STK31: variants seen among roughly 807,000 people sequenced by gnomAD.
STK31 encodes the protein serine/threonine kinase 31.
STK31 carries 89 observed loss-of-function variants against 129.7 expected under a neutral mutation model. That is an observed-to-expected ratio of 0.69 (90% confidence interval 0.58 to 0.82). STK31 has a LOEUF of 0.82. Among genes scored for constraint, STK31 ranks in the 40% least tolerant of loss-of-function variants. The pLI is 0.00. For missense variants in STK31, 1,187 were observed against 1,176.4 expected (o/e 1.01, Z -0.13); for synonymous variants, 448 against 395.3 (o/e 1.13, Z -1.58).
intron 22 of STK31, among the ~76,000 whole-genome samples, chr7:23,801,776 A>G (rs564339267): frequency 6.7e-6 from 1 of 148,956 alleles, no homozygotes; most frequent in Admixed American, 6.9e-5. Flanking sequence ...CAATTTTACA[A>G]CACCATTTTT....
Position 23,800,567 on chromosome 7 carries a change from G to A in STK31, c.2760+9621G>A, listed in dbSNP as rs901780669. On this transcript the variant is annotated intron_variant, in intron 22 of 23. Coordinates refer to ENST00000355870, the MANE Select transcript of STK31 (RefSeq NM_031414.5). ...GAACAATGAGAACATATGGACACAG[G>A]GAGGGGAACATCACACAGTGGGGCC... Among the ~76,000 whole-genome samples the A allele has an allele frequency of 3.4e-4, 51 of 152,064 alleles. 1 individual carries two copies. The highest frequency in any genetic ancestry group is 2.5e-4 in the Non-Finnish European group (17 of 68,024).
chr7:23,808,818 AG>A (rs1196865016), intron 22 of STK31, among the ~76,000 whole-genome samples: 1 of 123,676 alleles, frequency 8.1e-6, no homozygotes, highest in African/African-American at 2.5e-5. Context: ...CGGATGGGAT[AG>A]GGGGCAGTTT....
chr7:23,749,677 A>G lies in STK31; in HGVS notation c.1018-3040A>G, dbSNP rs1033205493. Among the ~76,000 whole-genome samples the G allele has an allele frequency of 3.9e-5, 6 of 152,126 alleles. No homozygotes were observed. The South Asian group carries it at 1.2e-3, about 32-fold the overall frequency. The stretch of plus-strand genomic sequence containing the variant: ...TGTAATTTTTTCTTGATAACTGTAT[A>G]TGATATATCAGGTAAAAAAGCAATT... On this transcript the variant is annotated intron_variant, in intron 8 of 23. Coordinates refer to ENST00000355870, the MANE Select transcript of STK31 (RefSeq NM_031414.5).
At chr7:23,814,971 A>G (rs1258072594) in intron 22 of STK31, among the ~76,000 whole-genome samples, 173 bp from the exon 23 acceptor site, 1 of 152,108 alleles carries the variant, frequency 6.6e-6, no homozygotes, top group Non-Finnish European at 1.5e-5. Flanking sequence ...CCCAGGAACC[A>G]TTTGGTTGCT....
rs766650064 is a variant in STK31, at chr7:23,735,792, A to C, written c.738A>C (p.Arg246Ser). ...GCCCCATTCCTTTGTGGGGGCATAG[A>C]TCAAACCAGTCAACCTTCAGCAGGC... ...LKSPIPLWGHRSNQSTFSRPK... is the reference protein window; with the variant it reads ...LKSPIPLWGHSSNQSTFSRPK... The change falls in exon 7 of 24, where the codon AGA becomes AGC. Residue 246 changes from arginine to serine, a missense_variant. Physicochemically the swap from Arg to Ser is moderately radical, Grantham distance 110. This residue lies in a region of STK31 where 975 missense variants were observed against 934.9 expected (regional missense o/e 1.04). Coordinates refer to ENST00000355870, the MANE Select transcript of STK31 (RefSeq NM_031414.5). The C allele has an allele frequency of 6.2e-7, 1 of 1,614,208 alleles. No homozygotes were observed. The highest frequency in any genetic ancestry group is 1.3e-5 in the African/African-American group (1 of 75,064).
rs570418302 is a variant in STK31, at chr7:23,815,906, A to G, written c.2829+694A>G. 3.3e-5 allele frequency among the ~76,000 whole-genome samples: 5 copies of G among 152,264 alleles called. No individual in the cohort carries two copies. The East Asian group carries it at 7.7e-4, about 23-fold the overall frequency. On this transcript the variant is annotated intron_variant, in intron 23 of 23. Transcript: ENST00000355870. ...ATGACTAGATATAAAGAGGATAAAT[A>G]TGGCAGTAAATGAGTCTATAAGAGT...
In STK31 at chr7:23,710,232, ACGCGGTAAGC is replaced by A. The variant is rs199961424; in HGVS notation, c.-50_-41del. The A allele has an allele frequency of 6.7e-3, 10,780 of 1,611,654 alleles. 72 individuals are homozygous for A. Among genetic ancestry groups the A allele is most frequent in the South Asian group, 0.023 (2,045 of 90,638 alleles). On this transcript the variant is annotated 5_prime_UTR_variant, in exon 1 of 24. Transcript: ENST00000355870. Reference sequence around the variant, plus strand: ...TGTGGGGCCCTTGCGGTCGAAGCTCACGCGGTAAGCCGCTGCACGTGTGCTACGGCGGGCG... The same window carrying A: ...TGTGGGGCCCTTGCGGTCGAAGCTCACGCTGCACGTGTGCTACGGCGGGCG...
chr7:23,811,274 A>G, intron 22 of STK31: 1 of 382,032 alleles, frequency 2.6e-6, no homozygotes, highest in South Asian at 2.5e-5. Flanking sequence ...GTAGTTTTTG[A>G]AATTAGCAAG....
chr7:23,789,036 C>G (rs1423730331), intron 21 of STK31, among the ~76,000 whole-genome samples: 1 of 152,136 alleles, frequency 6.6e-6, no homozygotes, highest in East Asian at 1.9e-4. Context: ...TTGGACATCT[C>G]ATGTAAATGG....
At chr7:23,814,146 C>CTTTTTTTT (rs71552259) in intron 22 of STK31, among the ~76,000 whole-genome samples, 2,817 of 98,706 alleles carry the variant, frequency 0.029, 704 homozygotes, top group African/African-American at 0.091. Context: ...ATCTGGCTCA[C>CTTTTTTTT]TTATTTTTTT....
intron 22 of STK31, among the ~76,000 whole-genome samples, chr7:23,807,740 T>G (rs984614740): frequency 1.3e-5 from 2 of 152,032 alleles, no homozygotes; most frequent in Non-Finnish European, 2.9e-5. Context: ...TTTTTTTTTG[T>G]AATGATGGTT....
intron 1 of STK31, 98 bp downstream of exon 1, chr7:23,710,433 C>T: frequency 6.3e-7 from 1 of 1,591,738 alleles, no homozygotes; most frequent in African/African-American, 1.3e-5. Flanking sequence ...GGACGAGGCC[C>T]ATTTCAGGGT....
At chr7:23,725,412 G>C (rs532589033) in intron 4 of STK31, among the ~76,000 whole-genome samples, 15 of 141,032 alleles carry the variant, frequency 1.1e-4, no homozygotes, top group African/African-American at 3.9e-4. Context: ...GGTATGGTAT[G>C]TGTGCCTGTA....
intron 22 of STK31, among the ~76,000 whole-genome samples, chr7:23,801,485 T>C (rs1023122267): frequency 9.9e-5 from 15 of 152,264 alleles, no homozygotes; most frequent in Admixed American, 5.9e-4. Context: ...TTTTCTGGCC[T>C]GTAGCTTTTC....
At chr7:23,791,037 A>G in intron 22 of STK31, 91 bp downstream of exon 22, 2 of 1,158,044 alleles carry the variant, frequency 1.7e-6, no homozygotes, top group Non-Finnish European at 2.2e-6. Flanking sequence ...TAAAAATAAA[A>G]AGCAGCAGAC....
In STK31 at chr7:23,766,765, T is replaced by G. The variant is rs550237679; in HGVS notation, c.1417-2230T>G. ...ATAATTATTTATTGAGATACTTCTC[T>G]CCCCCATTAATTTTTTCTCTTATTC... On this transcript the variant is annotated intron_variant, in intron 11 of 23. Transcript: ENST00000355870. Among the ~76,000 whole-genome samples the G allele has an allele frequency of 9.8e-5, 15 of 152,300 alleles. No homozygotes were observed. In the East Asian group the frequency reaches 2.9e-3, roughly 29 times the overall value.
chr7:23,736,857 A>C lies in STK31; in HGVS notation c.843-47A>C, dbSNP rs200952475. 107 of 1,413,158 alleles carry C rather than the reference A, an allele frequency of 7.6e-5. No homozygotes were observed. In the East Asian group the frequency reaches 2.6e-3, roughly 34 times the overall value. The allele number at this position is 1,413,158 out of a possible 1,614,324, so 87.5% of individuals were successfully genotyped here. On this transcript the variant is annotated intron_variant, in intron 7 of 23. Coordinates refer to ENST00000355870, the MANE Select transcript of STK31 (RefSeq NM_031414.5). ...ATAACTTAGATTTGTTTTCTGTGTCAGCCTTATACAGTTTGTTTGTCAAAA... is the reference window on the plus strand; with the variant it reads ...ATAACTTAGATTTGTTTTCTGTGTCCGCCTTATACAGTTTGTTTGTCAAAA...
At chr7:23,739,910 T>C (rs1388295605) in intron 8 of STK31, among the ~76,000 whole-genome samples, 2 of 152,212 alleles carry the variant, frequency 1.3e-5, no homozygotes, top group African/African-American at 4.8e-5. Context: ...GATAGCGTGA[T>C]GTCTCCAGGT....
At chr7:23,830,855 A>C (rs1794502982) in intron 23 of STK31, among the ~76,000 whole-genome samples, 1 of 152,086 alleles carries the variant, frequency 6.6e-6, no homozygotes, top group African/African-American at 2.4e-5. Context: ...CCTGACCTTA[A>C]GTGATCCACC....
Sources: gnomAD v4.1 joint callset for allele counts (sites outside exome capture counted in the v4.1 genomes callset) on GRCh38, gnomAD v4.1.1 for gene constraint, gnomAD v4.1.1 regional missense constraint, MANE v1.5 for transcripts, NCBI Gene and HGNC (gene_info 2026-07-23, HGNC 2026-07-21) for gene names.